Variants in SLC25A33 observed in about 807,000 individuals in gnomAD.
The protein encoded by SLC25A33 is solute carrier family 25 member 33, also known as bone marrow stromal cell mitochondrial carrier protein.
Under a neutral mutation model 35.5 loss-of-function variants are expected in SLC25A33, and 15 were observed. That is an observed-to-expected ratio of 0.42 (90% CI 0.28 to 0.65). The LOEUF (loss-of-function observed/expected upper bound fraction) is 0.65, where lower values mean the gene tolerates loss of function less well. Ranked by LOEUF, SLC25A33 falls within the 30% of genes least tolerant of loss-of-function variation. The pLI, the probability that SLC25A33 is intolerant of heterozygous loss-of-function variation, is 0.20. For missense variants in SLC25A33, 257 were observed against 398.5 expected (o/e 0.64, Z 3.02); for synonymous variants, 136 against 148.7 (o/e 0.91, Z 0.62).
At position 9,578,216 on chromosome 1, in the gene SLC25A33, C is replaced by T. The variant is rs1192060726; in HGVS notation, c.483-1738C>T. On this transcript the variant is annotated intron_variant, in intron 5 of 6. Transcript: ENST00000302692. The surrounding 1 kb of genome is among the most constrained non-coding windows in gnomAD (Gnocchi z 4.3). ...TACAGGTGTGAGCCACCGCACCCGG[C>T]CTCTGGATGGTTTTAAGCACGGGAG... Among the ~76,000 whole-genome samples, 1 of 152,166 alleles carries T rather than the reference C, an allele frequency of 6.6e-6. No homozygotes were observed. Among genetic ancestry groups the T allele is most frequent in the Non-Finnish European group, 1.5e-5 (1 of 68,040 alleles).
intron 6 of SLC25A33, 145 bp downstream of exon 6, chr1:9,580,379 G>A (rs879559782): frequency 8.7e-5 from 91 of 1,043,696 alleles, no homozygotes; most frequent in Non-Finnish European, 1.1e-4. Context: ...AGCTCTAACC[G>A]CATGGACAGA....
In SLC25A33 at chr1:9,567,182, C is replaced by T; in HGVS notation, c.237-102C>T. 5.1e-6 allele frequency: 5 copies of T among 973,832 alleles called. No individual in the cohort carries two copies. The South Asian group carries it at 6.3e-5, about 12-fold the overall frequency. 60.3% of individuals were successfully genotyped at this position (973,832 alleles called of 1,614,324 possible). A position where few individuals can be genotyped will look rare whatever the true frequency, so the allele number is the denominator to read the frequency against. On this transcript the variant is annotated intron_variant, in intron 2 of 6. Coordinates refer to ENST00000302692, the MANE Select transcript of SLC25A33 (RefSeq NM_032315.3). ...AGAGTCGAGCTTGACATCTCTCAAACATTTTATTCTCTCAAGGAACTAATG... is the reference window on the plus strand; with the variant it reads ...AGAGTCGAGCTTGACATCTCTCAAATATTTTATTCTCTCAAGGAACTAATG...
At chr1:9,555,110 CTTTTTTTTTTTTTT>C (rs1172100444) in intron 2 of SLC25A33, among the ~76,000 whole-genome samples, 2 of 91,178 alleles carry the variant, frequency 2.2e-5, no homozygotes, top group Non-Finnish European at 4.1e-5. Flanking sequence ...GCATTTAGCA[CTTTTTTTTTTTTTT>C]TTTTTTTTTT....
chr1:9,567,436 G>T, intron 3 of SLC25A33, 75 bp downstream of exon 3: 1 of 1,300,036 alleles, frequency 7.7e-7, no homozygotes, highest in Non-Finnish European at 1.1e-6. Flanking sequence ...AAAGGGTGAT[G>T]CTGCTGAATG....
chr1:9,568,379 G>A (rs1249932921), intron 3 of SLC25A33, among the ~76,000 whole-genome samples: 1 of 152,166 alleles, frequency 6.6e-6, no homozygotes, highest in Non-Finnish European at 1.5e-5. Context: ...GGGAGGCAGA[G>A]GTTGCAGTGA....
At position 9,553,672 on chromosome 1, in the gene SLC25A33, A is replaced by C. The variant is rs1224501378; in HGVS notation, c.103A>C (p.Ile35Leu). The C allele has an allele frequency of 1.9e-6, 3 of 1,614,092 alleles. No homozygotes were observed. The highest frequency in any genetic ancestry group is 2.5e-6 in the Non-Finnish European group (3 of 1,180,046). ...GAIFTCPLEV[I>L]KTRLQSSRLA... is the part of the protein sequence containing the mutation. ...TATTTTCACTTGTCCACTAGAAGTC[A>C]TTAAGACACGGTTGCAGTCTTCAAG... The change falls in exon 2 of 7, where the codon ATT becomes CTT. Residue 35 changes from isoleucine to leucine, a missense_variant. Transcript: ENST00000302692.
intron 2 of SLC25A33, among the ~76,000 whole-genome samples, chr1:9,564,739 A>ATATATATATATATATATATATATATAT (rs1211262069): frequency 2.1e-5 from 2 of 96,584 alleles, no homozygotes; most frequent in Non-Finnish European, 4.0e-5. Flanking sequence ...AAAAAAAAAA[A>ATATATATATATATATATATATATATAT]ATATATATAT....
At chr1:9,567,944 T>C (rs1019767786) in intron 3 of SLC25A33, among the ~76,000 whole-genome samples, 1 of 152,138 alleles carries the variant, frequency 6.6e-6, no homozygotes, top group Non-Finnish European at 1.5e-5. Context: ...TAATCAGAAT[T>C]AAAGGTTCAG....
chr1:9,553,817 C>G lies in SLC25A33; in HGVS notation c.236+12C>G, dbSNP rs368122137. On this transcript the variant is annotated intron_variant, in intron 2 of 6. Coordinates refer to ENST00000302692, the MANE Select transcript of SLC25A33 (RefSeq NM_032315.3). ...TTTCAGGTTCTGAAGTAAGTTCAGT[C>G]TTGTCTGCTCCTGCCACCTGCACAC... 9 of 1,608,064 alleles carry G rather than the reference C, an allele frequency of 5.6e-6. No homozygotes were observed. Among genetic ancestry groups the G allele is most frequent in the Non-Finnish European group, 7.7e-6 (9 of 1,175,998 alleles).
At chr1:9,541,551 A>G (rs1643082067) in intron 1 of SLC25A33, among the ~76,000 whole-genome samples, 1 of 152,040 alleles carries the variant, frequency 6.6e-6, no homozygotes, top group Non-Finnish European at 1.5e-5. Context: ...TTGGCCTCCC[A>G]AATTGCTGGG....
At position 9,569,670 on chromosome 1, in the gene SLC25A33, A is replaced by G. The variant is rs1643561301; in HGVS notation, c.315-588A>G. Among the ~76,000 whole-genome samples the G allele has an allele frequency of 3.3e-5, 5 of 152,340 alleles. No individual in the cohort carries two copies. In the South Asian group the frequency reaches 1.0e-3, roughly 32 times the overall value. On this transcript the variant is annotated intron_variant, in intron 3 of 6. Transcript: ENST00000302692. ...TGGTGAAAGAGCAGGAAAAATCCCA[A>G]GTAGCTCCTATTTCCCAGCCCCAAC...
intron 5 of SLC25A33, among the ~76,000 whole-genome samples, chr1:9,573,672 G>T (rs1020050933): frequency 6.6e-6 from 1 of 152,164 alleles, no homozygotes; most frequent in Non-Finnish European, 1.5e-5. Context: ...CCCACCTGTT[G>T]TCTCAGAGAG....
chr1:9,554,540 A>G (rs554253892), intron 2 of SLC25A33, among the ~76,000 whole-genome samples: 85 of 151,802 alleles, frequency 5.6e-4, no homozygotes, highest in African/African-American at 1.6e-3. Flanking sequence ...TGTATTTTTC[A>G]TAGAGATGGA....
In SLC25A33 at chr1:9,544,645, C is replaced by T. The variant is rs377702524; in HGVS notation, c.56+4898C>T. Among the ~76,000 whole-genome samples the T allele has an allele frequency of 1.6e-3, 240 of 152,064 alleles. 1 individual carries two copies. Among genetic ancestry groups the T allele is most frequent in the African/African-American group, 5.5e-3 (230 of 41,474 alleles). ...AGCACCTAATGTTTTTTAAATAGCACGATAGAGGTAGCAGGTGAAATGGCG... is the reference window on the plus strand; with the variant it reads ...AGCACCTAATGTTTTTTAAATAGCATGATAGAGGTAGCAGGTGAAATGGCG... On this transcript the variant is annotated intron_variant, in intron 1 of 6. Transcript: ENST00000302692.
intron 2 of SLC25A33, among the ~76,000 whole-genome samples, chr1:9,555,893 C>T (rs1643335975): frequency 6.6e-6 from 1 of 152,182 alleles, no homozygotes; most frequent in African/African-American, 2.4e-5. Context: ...CCATGTTGGC[C>T]AGGCTGGCCT....
chr1:9,564,739 A>AATATATAT (rs70979762), intron 2 of SLC25A33, among the ~76,000 whole-genome samples: 26 of 96,534 alleles, frequency 2.7e-4, no homozygotes, highest in African/African-American at 6.6e-4. Context: ...AAAAAAAAAA[A>AATATATAT]ATATATATAT....
chr1:9,550,636 A>G (rs1569846989), intron 1 of SLC25A33, among the ~76,000 whole-genome samples: 1 of 152,080 alleles, frequency 6.6e-6, no homozygotes, highest in East Asian at 1.9e-4. Context: ...TGGGTTAGAA[A>G]GTTTTTACGT....
chr1:9,563,930 A>T (rs1246043094), intron 2 of SLC25A33, among the ~76,000 whole-genome samples: 3 of 152,122 alleles, frequency 2.0e-5, no homozygotes, highest in African/African-American at 7.2e-5. Flanking sequence ...ATGTGCTAGG[A>T]TTACAGATGT....
intron 1 of SLC25A33, among the ~76,000 whole-genome samples, chr1:9,543,494 A>T (rs956584549): frequency 1.3e-5 from 2 of 152,200 alleles, no homozygotes; most frequent in Non-Finnish European, 2.9e-5. Flanking sequence ...AGAACACAGA[A>T]GTGCTTTGAG....
Sources: allele counts gnomAD v4.1 joint callset (sites outside exome capture counted in the v4.1 genomes callset), GRCh38; gene constraint gnomAD v4.1.1; non-coding constraint Gnocchi (gnomAD v3.1); transcripts MANE v1.5; gene names NCBI Gene and HGNC (gene_info 2026-07-23, HGNC 2026-07-21).